Variants in CSMD1 observed in about 807,000 individuals in gnomAD.
CSMD1 encodes the protein CUB and sushi domain-containing protein 1.
In CSMD1, 213 loss-of-function variants were observed where a neutral mutation model predicts 417.5. That is an observed-to-expected ratio of 0.51 (90% confidence interval 0.46 to 0.57). The LOEUF (loss-of-function observed/expected upper bound fraction) is 0.57, where lower values mean the gene tolerates loss of function less well. Ranked by LOEUF, CSMD1 falls within the 20% of genes least tolerant of loss-of-function variation. The pLI is 0.00. For synonymous variants in CSMD1, 2,862 were observed against 1,736.8 expected (o/e 1.65, Z -16.11); for missense variants, 6,923 against 4,529.7 (o/e 1.53, Z -15.17).
chr8:4,838,272 A>G (rs527528451), intron 1 of CSMD1, among the ~76,000 whole-genome samples: 2 of 152,330 alleles, frequency 1.3e-5, no homozygotes, highest in South Asian at 4.2e-4. Context: ...AGTAGTGTCA[A>G]AGTGTCAGGA....
chr8:3,192,690 A>C (rs1396839038), intron 33 of CSMD1, among the ~76,000 whole-genome samples: 29 of 152,190 alleles, frequency 1.9e-4, no homozygotes, highest in Admixed American at 1.9e-3. Context: ...TATTTTAAAT[A>C]ATTTTGTGCA....
chr8:4,034,681 T>G (rs187999444), intron 3 of CSMD1, among the ~76,000 whole-genome samples: 104 of 152,224 alleles, frequency 6.8e-4, no homozygotes, highest in African/African-American at 2.5e-3. Flanking sequence ...AGGGAGTGAT[T>G]AAAAAAAGTA....
intron 2 of CSMD1, among the ~76,000 whole-genome samples, chr8:4,443,544 A>G (rs750320607): frequency 3.3e-5 from 5 of 152,204 alleles, no homozygotes; most frequent in Non-Finnish European, 5.9e-5. Context: ...CACGAATGAT[A>G]TGTCAGCCAC....
chr8:3,304,911 TTATTTTTATA>T (rs1414059680), intron 25 of CSMD1, among the ~76,000 whole-genome samples: 1 of 152,146 alleles, frequency 6.6e-6, no homozygotes, highest in Admixed American at 6.5e-5. Context: ...AGAAGATAAA[TTATTTTTATA>T]TAAAGTCATT....
rs576908666 is a variant in CSMD1 at position 3,379,614 on chromosome 8, C to T, written c.2782+7880G>A. ...CACCACATATCTACAACCAACTGAC[C>T]TTTGACAAATGTGATAAAAACAAGC... On this transcript the variant is annotated intron_variant, in intron 18 of 69. Coordinates refer to ENST00000635120, the MANE Select transcript of CSMD1 (RefSeq NM_033225.6). Among the ~76,000 whole-genome samples the T allele has an allele frequency of 1.4e-3, 211 of 152,294 alleles. 1 individual carries two copies. The highest frequency in any genetic ancestry group is 2.3e-3 in the Admixed American group (35 of 15,286).
chr8:4,799,436 A>C (rs1373327485), intron 1 of CSMD1, among the ~76,000 whole-genome samples: 1 of 151,404 alleles, frequency 6.6e-6, no homozygotes, highest in Non-Finnish European at 1.5e-5. Flanking sequence ...CTCTCTACTA[A>C]AAATACAAAA....
intron 2 of CSMD1, among the ~76,000 whole-genome samples, chr8:4,425,974 T>C (rs1797527630): frequency 6.6e-6 from 1 of 151,976 alleles, no homozygotes; most frequent in Non-Finnish European, 1.5e-5. Flanking sequence ...GAGGTAGACA[T>C]AGCCCAAAAT....
In CSMD1 at chr8:4,592,809, G is replaced by A. The variant is rs144320243; in HGVS notation, c.302+44533C>T. Among the ~76,000 whole-genome samples, 839 of 152,116 alleles carry A rather than the reference G, an allele frequency of 5.5e-3. 9 individuals carry two copies. Among genetic ancestry groups the A allele is most frequent in the African/African-American group, 0.018 (743 of 41,470 alleles). ...TGTTTTCTAAAATCTACCAATACACGAAATATCCTGTTGTTTAATCATTGT... is the reference window on the plus strand; with the variant it reads ...TGTTTTCTAAAATCTACCAATACACAAAATATCCTGTTGTTTAATCATTGT... On this transcript the variant is annotated intron_variant, in intron 2 of 69. Coordinates refer to ENST00000635120, the MANE Select transcript of CSMD1 (RefSeq NM_033225.6).
In CSMD1 at chr8:4,006,680, C is replaced by T. The variant is rs113449922; in HGVS notation, c.611-8570G>A. Among the ~76,000 whole-genome samples the T allele has an allele frequency of 2.2e-3, 338 of 152,302 alleles. 1 individual carries two copies. The highest frequency in any genetic ancestry group is 7.7e-3 in the African/African-American group (321 of 41,560). On this transcript the variant is annotated intron_variant, in intron 4 of 69. Coordinates refer to ENST00000635120, the MANE Select transcript of CSMD1 (RefSeq NM_033225.6). ...TTTATGTCCTTTTCCTTTTAATCTGCACATGCAGATGGCAATGTCAGAATA... is the reference window on the plus strand; with the variant it reads ...TTTATGTCCTTTTCCTTTTAATCTGTACATGCAGATGGCAATGTCAGAATA...
chr8:4,496,664 C>T (rs533167083), intron 2 of CSMD1, among the ~76,000 whole-genome samples: 2 of 152,222 alleles, frequency 1.3e-5, no homozygotes, highest in Admixed American at 1.3e-4. Flanking sequence ...CTCCCCCTCC[C>T]TTTATCCTGC....
intron 3 of CSMD1, among the ~76,000 whole-genome samples, chr8:4,236,514 C>A (rs1260702067): frequency 3.2e-4 from 49 of 152,128 alleles, no homozygotes; most frequent in East Asian, 1.9e-4. Flanking sequence ...ATGATTTGCT[C>A]AAAAAAGTTA....
rs147057836 is a variant in CSMD1, at chr8:3,439,463, T to C, written c.1561+29249A>G. Among the ~76,000 whole-genome samples, 1,129 of 148,698 alleles carry C rather than the reference T, an allele frequency of 7.6e-3. 13 individuals carry two copies. Among genetic ancestry groups the C allele is most frequent in the African/African-American group, 0.026 (1,068 of 40,334 alleles). ...TCTTTGGTGAAAGGTCTTCTGAACA[T>C]ATCCTAACTCTGTGACTCTGTGTGT... On this transcript the variant is annotated intron_variant, in intron 12 of 69. Coordinates refer to ENST00000635120, the MANE Select transcript of CSMD1 (RefSeq NM_033225.6).
intron 41 of CSMD1, among the ~76,000 whole-genome samples, chr8:3,119,317 T>C (rs1817050620): frequency 6.7e-6 from 1 of 149,584 alleles, no homozygotes; most frequent in African/African-American, 2.5e-5. Context: ...CTGGAAAATA[T>C]GTCGTTATTT....
chr8:3,769,806 C>T (rs747738301), intron 5 of CSMD1, among the ~76,000 whole-genome samples: 3 of 152,166 alleles, frequency 2.0e-5, no homozygotes, highest in Non-Finnish European at 4.4e-5. Context: ...CATCACCTTA[C>T]GATGCATGTG....
Position 4,564,339 on chromosome 8 carries a change from A to C in CSMD1, c.302+73003T>G, listed in dbSNP as rs563960347. On this transcript the variant is annotated intron_variant, in intron 2 of 69. Transcript: ENST00000635120. Reference sequence around the variant, plus strand: ...TTTATATATTTTATTTTGTCTGTCTAGGCTGCTATAAGAAAAATAACATAG... The same window carrying C: ...TTTATATATTTTATTTTGTCTGTCTCGGCTGCTATAAGAAAAATAACATAG... 3.9e-5 allele frequency among the ~76,000 whole-genome samples: 6 copies of C among 152,316 alleles called. No homozygotes were observed. In the East Asian group the frequency reaches 1.2e-3, roughly 29 times the overall value.
intron 3 of CSMD1, among the ~76,000 whole-genome samples, chr8:4,252,990 T>C (rs558804338): frequency 6.6e-6 from 1 of 152,340 alleles, no homozygotes; most frequent in East Asian, 1.9e-4. Context: ...CTATGAGTTT[T>C]AAAGCCAATG....
intron 25 of CSMD1, among the ~76,000 whole-genome samples, chr8:3,285,747 C>T (rs910227237): frequency 5.9e-5 from 9 of 151,800 alleles, no homozygotes; most frequent in Admixed American, 5.3e-4. Flanking sequence ...CAATTTTTTG[C>T]CTCCACTCCA....
At chr8:4,935,001 C>G (rs77519719) in intron 1 of CSMD1, among the ~76,000 whole-genome samples, 2,318 of 152,310 alleles carry the variant, frequency 0.015, 48 homozygotes, top group African/African-American at 0.052. Context: ...TATTCATCAT[C>G]TATCTATACA....
intron 5 of CSMD1, among the ~76,000 whole-genome samples, chr8:3,758,246 G>C (rs1276523050): frequency 6.6e-6 from 1 of 152,190 alleles, no homozygotes; most frequent in Non-Finnish European, 1.5e-5. Context: ...TTACAGGCGT[G>C]AGCCATCACA....
Sources: gnomAD v4.1 joint callset for allele counts (sites outside exome capture counted in the v4.1 genomes callset) on GRCh38, gnomAD v4.1.1 for gene constraint, MANE v1.5 for transcripts, NCBI Gene and HGNC (gene_info 2026-07-23, HGNC 2026-07-21) for gene names.